Variants in GGT5 observed in about 807,000 individuals in gnomAD.
GGT5 encodes the protein gamma-glutamyltransferase 5.
Under a neutral mutation model 58.1 loss-of-function variants are expected in GGT5, and 50 were observed. That is an observed-to-expected ratio of 0.86 (90% CI 0.69 to 1.09). GGT5 has a LOEUF of 1.09. GGT5 is among the 50% of genes least tolerant of loss of function. The pLI is 0.00. For synonymous variants in GGT5, 370 were observed against 346.1 expected (o/e 1.07, Z -0.77); for missense variants, 800 against 789.4 (o/e 1.01, Z -0.16).
At chr22:24,222,174 G>A (rs2047608362) in intron 11 of GGT5, among the ~76,000 whole-genome samples, 1 of 151,866 alleles carries the variant, frequency 6.6e-6, no homozygotes, top group Admixed American at 6.6e-5. Flanking sequence ...GTGAAACTTT[G>A]TCTCAACAAC....
chr22:24,219,789 G>C lies in GGT5; in HGVS notation c.*181C>G, dbSNP rs535338875. ...GACCACCAGGGGCTCTGGGAAAGGGGGTTAGGGATGAGGCTCAGCCTCTCA... is the reference window on the plus strand; with the variant it reads ...GACCACCAGGGGCTCTGGGAAAGGGCGTTAGGGATGAGGCTCAGCCTCTCA... On this transcript the variant is annotated 3_prime_UTR_variant, in exon 12 of 12. Transcript: ENST00000327365. 1 of 613,396 alleles carries C rather than the reference G, an allele frequency of 1.6e-6. No individual in the cohort carries two copies. Among genetic ancestry groups the C allele is most frequent in the African/African-American group, 1.8e-5 (1 of 54,134 alleles). The allele number at this position is 613,396 out of a possible 1,614,324, so 38.0% of individuals were successfully genotyped here. A position where few individuals can be genotyped will look rare whatever the true frequency, so the allele number is the denominator to read the frequency against.
At chr22:24,238,821 ATATATATATATTTATAT>A (rs2048201363) in intron 1 of GGT5, among the ~76,000 whole-genome samples, 1 of 16,990 alleles carries the variant, frequency 5.9e-5, no homozygotes, top group African/African-American at 3.3e-4. Flanking sequence ...TATTATATAT[ATATATATATATTTATAT>A]ATATATATTA....
intron 6 of GGT5, among the ~76,000 whole-genome samples, chr22:24,227,554 C>A (rs957191378): frequency 2.6e-5 from 4 of 151,998 alleles, no homozygotes; most frequent in Admixed American, 2.6e-4. Context: ...GCCTAAAGTA[C>A]GTTAAAGATT....
At chr22:24,239,486 G>C (rs1162447929) in intron 1 of GGT5, among the ~76,000 whole-genome samples, 1 of 152,078 alleles carries the variant, frequency 6.6e-6, no homozygotes, top group East Asian at 1.9e-4. Flanking sequence ...TTATATATCT[G>C]GGATTTGCAC....
At chr22:24,238,824 T>TA (rs374891421) in intron 1 of GGT5, among the ~76,000 whole-genome samples, 20 of 11,724 alleles carry the variant, frequency 1.7e-3, no homozygotes, top group African/African-American at 0.012. Context: ...TATATATATA[T>TA]ATATATATTT....
In GGT5 at chr22:24,226,655, G is replaced by T. The variant is rs1431824264; in HGVS notation, c.1014C>A (p.Asp338Glu). Residue 338 changes from aspartate (D) to glutamate (E), a missense_variant, in exon 7 of 12, where the codon GAC (aspartate) becomes GAA (glutamate). Coordinates refer to ENST00000327365, the MANE Select transcript of GGT5 (RefSeq NM_004121.5). The stretch of plus-strand genomic sequence containing the variant: ...CCTGGAGCTTCGGGTGGCTTCGAGG[G>T]TCCCCCAGCCTCCACCTCTGCCCCT... ...FAKGQRWRLG[D>E]PRSHPKLQNA... The T allele has an allele frequency of 4.3e-6, 7 of 1,613,954 alleles. No individual in the cohort carries two copies. The highest frequency in any genetic ancestry group is 1.1e-5 in the South Asian group (1 of 91,074).
rs1250418542 is a variant in GGT5 at position 24,232,960 on chromosome 22, GC to G, written c.458del (p.Arg153ProfsTer57). ...ELRGYAEAHRRHGRLPWAQLF... is the reference protein window; with the variant it reads ...ELRGYAEAHRXHGRLPWAQLF... The stretch of plus-strand genomic sequence containing the variant: ...GCTGCGCCCAGGGCAGGCGGCCATG[GC>G]GGCGGTGGGCCTCGGCATAGCCACG... On this transcript the variant is annotated frameshift_variant, in exon 4 of 12. Coordinates refer to ENST00000327365, the MANE Select transcript of GGT5 (RefSeq NM_004121.5). LOFTEE classifies it high-confidence loss of function. The G allele has an allele frequency of 1.3e-6, 2 of 1,563,928 alleles. No individual in the cohort carries two copies. Among genetic ancestry groups the G allele is most frequent in the Non-Finnish European group, 1.7e-6 (2 of 1,154,768 alleles).
Position 24,231,449 on chromosome 22 carries a change from G to A in GGT5, c.836C>T (p.Thr279Ile). 6.4e-7 allele frequency: 1 copy of A among 1,566,604 alleles called. No homozygotes were observed. The highest frequency in any genetic ancestry group is 1.2e-5 in the South Asian group (1 of 85,100). Residue 279 changes from threonine to isoleucine, a missense_variant, in exon 6 of 12, where the codon ACC (threonine) becomes ATC (isoleucine). Physicochemically the swap from Thr to Ile is moderately conservative, Grantham distance 89. Transcript: ENST00000327365. ...DALEVPLGDYTLYSPPPPAGG... is the reference protein window; with the variant it reads ...DALEVPLGDYILYSPPPPAGG... ...TGCAGGCGGCGGTGGTGAGTACAGG[G>A]TATAGTCCCCCAGGGGCACCTCCAG... is the stretch of plus-strand genomic sequence containing the variant.
At position 24,238,867 on chromosome 22, in the gene GGT5, TA is replaced by T. The variant is rs2048219378; in HGVS notation, c.174-4864del. On this transcript the variant is annotated intron_variant, in intron 1 of 11. Transcript: ENST00000327365. ...TATATTATATATATTATATATATAA[TA>T]TATATAATATATATTATATATTTTA... is the stretch of plus-strand genomic sequence containing the variant. 5.7e-4 allele frequency among the ~76,000 whole-genome samples: 6 copies of T among 10,564 alleles called. 2 individuals are homozygous for T. The highest frequency in any genetic ancestry group is 8.5e-4 in the Non-Finnish European group (6 of 7,074). 6.9% of individuals were successfully genotyped at this position (10,564 alleles called of 152,430 possible).
chr22:24,231,677 C>A, intron 5 of GGT5, 147 bp from the exon 6 acceptor site: 1 of 802,240 alleles, frequency 1.2e-6, no homozygotes, highest in South Asian at 1.8e-5. Flanking sequence ...GCAGTGGCCT[C>A]AGGACTGGCC....
intron 9 of GGT5, 32 bp from the exon 10 acceptor site, chr22:24,225,443 G>C (rs1481932633): frequency 5.6e-6 from 9 of 1,608,318 alleles, no homozygotes; most frequent in African/African-American, 1.3e-5. Flanking sequence ...GGCAAGTGCA[G>C]TGACCCATCC....
At position 24,244,867 on chromosome 22, in the gene GGT5, G is replaced by A; in HGVS notation, c.-142C>T. 1.1e-5 allele frequency: 15 copies of A among 1,420,206 alleles called. No individual in the cohort carries two copies. Among genetic ancestry groups the A allele is most frequent in the Middle Eastern group, 2.6e-4 (1 of 3,864 alleles). The allele number at this position is 1,420,206 out of a possible 1,614,324, so 88.0% of individuals were successfully genotyped here. On this transcript the variant is annotated 5_prime_UTR_variant, in exon 1 of 12. Coordinates refer to ENST00000327365, the MANE Select transcript of GGT5 (RefSeq NM_004121.5). ...ACAGGTGGGGGCTGAAGACAGACAC[G>A]AAGATGGATCGACAGATAGGCCAGA... is the stretch of plus-strand genomic sequence containing the variant.
Position 24,232,125 on chromosome 22 carries a change from A to C in GGT5, c.680T>G (p.Val227Gly), listed in dbSNP as rs1362362945. 3.1e-6 allele frequency: 5 copies of C among 1,608,586 alleles called. No individual in the cohort carries two copies. Among genetic ancestry groups the C allele is most frequent in the Non-Finnish European group, 4.2e-6 (5 of 1,177,082 alleles). ...WPALATTLET[V>G]ATEGVEVFYT... ...GAAGACCTCCACGCCCTCTGTGGCCACGGTCTCCAGGGTGGTGGCCAGTGC... is the reference window on the plus strand; with the variant it reads ...GAAGACCTCCACGCCCTCTGTGGCCCCGGTCTCCAGGGTGGTGGCCAGTGC... The change falls in exon 5 of 12, where the codon GTG becomes GGG. Residue 227 changes from valine to glycine, a missense_variant. By Grantham distance (109) the Val-to-Gly change is moderately radical. Transcript: ENST00000327365.
intron 1 of GGT5, among the ~76,000 whole-genome samples, chr22:24,237,403 TTATA>T (rs1167627045): frequency 7.9e-6 from 1 of 126,644 alleles, no homozygotes; most frequent in Non-Finnish European, 1.8e-5. Context: ...TCAAATTATT[TTATA>T]TTTATTTATT....
intron 5 of GGT5, 94 bp from the exon 6 acceptor site, chr22:24,231,624 C>T (rs534795190): frequency 6.3e-6 from 8 of 1,270,548 alleles, no homozygotes; most frequent in Middle Eastern, 1.9e-4. Context: ...GGATTCCACT[C>T]ATGCTTTTGC....
chr22:24,224,203 TG>T (rs1199932506), intron 11 of GGT5, among the ~76,000 whole-genome samples: 2 of 151,668 alleles, frequency 1.3e-5, no homozygotes, highest in Non-Finnish European at 2.9e-5. Flanking sequence ...TGGGCTTCTG[TG>T]GGGAATCAAA....
chr22:24,226,384 GC>G, intron 7 of GGT5, 118 bp from the exon 8 acceptor site: 2 of 840,444 alleles, frequency 2.4e-6, no homozygotes, highest in Non-Finnish European at 3.7e-6. Context: ...CTACCTTGTG[GC>G]CAGGTCTCCC....
At chr22:24,235,401 G>A (rs1022690663) in intron 1 of GGT5, among the ~76,000 whole-genome samples, 1 of 152,168 alleles carries the variant, frequency 6.6e-6, no homozygotes, top group African/African-American at 2.4e-5. Flanking sequence ...GGAAACCAAG[G>A]CCCAAAGAGG....
intron 1 of GGT5, chr22:24,241,928 T>C (rs2048338290): frequency 6.6e-6 from 1 of 151,864 alleles, no homozygotes; most frequent in Admixed American, 6.6e-5. Flanking sequence ...GTGATTCTCC[T>C]GTCTCAGCCT....
Sources: gnomAD v4.1 joint callset for allele counts (sites outside exome capture counted in the v4.1 genomes callset) on GRCh38, gnomAD v4.1.1 for gene constraint, MANE v1.5 for transcripts, NCBI Gene and HGNC (gene_info 2026-07-23, HGNC 2026-07-21) for gene names.